Variants in MEGF8 observed in about 807,000 individuals in gnomAD.
MEGF8 encodes multiple EGF like domains 8.
MEGF8 carries 156 observed loss-of-function variants against 302.9 expected under a neutral mutation model. That is an observed-to-expected ratio of 0.52 (90% CI 0.45 to 0.59). The LOEUF is 0.59. Ranked by LOEUF, MEGF8 falls within the 20% of genes least tolerant of loss-of-function variation. The pLI, the probability that MEGF8 is intolerant of heterozygous loss-of-function variation, is 0.00. For missense variants in MEGF8, 3,345 were observed against 3,964.5 expected (o/e 0.84, Z 4.20); for synonymous variants, 1,621 against 1,660.5 (o/e 0.98, Z 0.58).
chr19:42,369,033 A>T lies in MEGF8; in HGVS notation c.6641+31A>T. The T allele has an allele frequency of 6.2e-7, 1 of 1,608,620 alleles. No homozygotes were observed. ...GCCGCAGGCGGCGCTGGGGCCAGGC[A>T]GGCTAGGGTGGGAGAGTCTGTGGGG... On this transcript the variant is annotated intron_variant, in intron 37 of 41. Coordinates refer to ENST00000251268, the MANE Select transcript of MEGF8 (RefSeq NM_001271938.2). The surrounding 1 kb of genome is among the most constrained non-coding windows in gnomAD (Gnocchi z 5.7).
rs963800376 is a variant in MEGF8, at chr19:42,371,487, G to A, written c.7269+5G>A. On this transcript the variant is annotated splice_donor_5th_base_variant and intron_variant, in intron 41 of 41. Transcript: ENST00000251268. ...CGAGACTGCTACAAGTACCAGGTGC[G>A]GCTGCAGAAGCTAGTGGTGGGCCGA... 3.1e-6 allele frequency: 5 copies of A among 1,613,626 alleles called. No homozygotes were observed. The highest frequency in any genetic ancestry group is 2.2e-5 in the East Asian group (1 of 44,884).
At chr19:42,360,715 G>A (rs2039519081) in intron 31 of MEGF8, 60 bp from the exon 32 acceptor site, 4 of 1,545,334 alleles carry the variant, frequency 2.6e-6, no homozygotes, top group South Asian at 1.2e-5. Context: ...GCATCATGGT[G>A]TGGGTCTCTT....
At position 42,376,658 on chromosome 19, in the gene MEGF8, G is replaced by T; in HGVS notation, c.8421G>T (p.Arg2807=). The change falls in exon 42 of 42, where the codon CGG becomes CGT. Residue 2807 remains arginine, a synonymous_variant. Coordinates refer to ENST00000251268, the MANE Select transcript of MEGF8 (RefSeq NM_001271938.2). This position sits in a 1 kb window ranked among gnomAD's most constrained non-coding sequence, Gnocchi z 8.2. ...TGGGGTCAGCCCTCGTCACACTGCG[G>T]CACAGGCTGCACGAGTACTGTGGGG... is the stretch of plus-strand genomic sequence containing the variant. The part of the protein sequence containing the change: ...ACLGSALVTL[R]HRLHEYCGGG... The T allele has an allele frequency of 1.8e-5, 27 of 1,535,742 alleles. No individual in the cohort carries two copies. The highest frequency in any genetic ancestry group is 2.3e-5 in the Non-Finnish European group (26 of 1,142,582).
At chr19:42,343,809 TG>T in intron 9 of MEGF8, 144 bp from the exon 10 acceptor site, 1 of 1,370,374 alleles carries the variant, frequency 7.3e-7, no homozygotes, top group Non-Finnish European at 9.7e-7. Context: ...TCCCTGGGCC[TG>T]GGGGAGGAAT....
rs892346905 is a variant in MEGF8 at position 42,344,685 on chromosome 19, G to A, written c.1949G>A (p.Arg650Gln). The A allele has an allele frequency of 1.3e-5, 20 of 1,588,544 alleles. No individual in the cohort carries two copies. Among genetic ancestry groups the A allele is most frequent in the Middle Eastern group, 1.8e-4 (1 of 5,708 alleles). The change falls in exon 12 of 42, where the codon CGA becomes CAA. Residue 650 changes from arginine to glutamine, a missense_variant. Physicochemically the swap from Arg to Gln is conservative, Grantham distance 43. Transcript: ENST00000251268. This position sits in a 1 kb window ranked among gnomAD's most constrained non-coding sequence, Gnocchi z 4.5. ...CLPRPEQARCRGEQISGTVGW... is the reference protein window; with the variant it reads ...CLPRPEQARCQGEQISGTVGW... ...GTCTTCTCAGAGCAGGCCCGCTGCC[G>A]AGGGGAGCAGATCTCAGGCACTGTG... is the stretch of plus-strand genomic sequence containing the variant.
At position 42,336,299 on chromosome 19, in the gene MEGF8, C is replaced by T. The variant is rs149190709; in HGVS notation, c.1197C>T (p.Pro399=). The T allele has an allele frequency of 9.4e-3, 15,119 of 1,607,412 alleles. 95 individuals are homozygous for T. The highest frequency in any genetic ancestry group is 0.015 in the Middle Eastern group (91 of 6,054). The change falls in exon 6 of 42, where the codon CCC becomes CCT. Residue 399 remains proline, a synonymous_variant. Coordinates refer to ENST00000251268, the MANE Select transcript of MEGF8 (RefSeq NM_001271938.2). The surrounding 1 kb of genome is among the most constrained non-coding windows in gnomAD (Gnocchi z 4.8). Reference sequence around the variant, plus strand: ...GCCACTCCATGGTGTTCCATGCCCCCTCCCGTGCCCTGCTGGTCCATGGTG... The same window carrying T: ...GCCACTCCATGGTGTTCCATGCCCCTTCCCGTGCCCTGCTGGTCCATGGTG... The part of the protein sequence containing the change: ...ATGHSMVFHA[P]SRALLVHGGH...
At chr19:42,343,794 A>G (rs993907838) in intron 9 of MEGF8, among the ~76,000 whole-genome samples, 160 bp from the exon 10 acceptor site, 9 of 152,010 alleles carry the variant, frequency 5.9e-5, no homozygotes, top group African/African-American at 1.9e-4. Context: ...AAGAGGAGCT[A>G]GAGGTCCCTG....
intron 1 of MEGF8, among the ~76,000 whole-genome samples, chr19:42,327,491 A>G (rs888609711): frequency 1.3e-5 from 2 of 152,252 alleles, no homozygotes; most frequent in Non-Finnish European, 2.9e-5. Context: ...TAAAGGACCA[A>G]TAGGAATCTG....
intron 12 of MEGF8, among the ~76,000 whole-genome samples, chr19:42,346,375 C>G (rs1331466488): frequency 6.6e-6 from 1 of 151,720 alleles, no homozygotes; most frequent in Non-Finnish European, 1.5e-5. Context: ...AACCCTGTCT[C>G]TACTAAAACT....
Position 42,348,439 on chromosome 19 carries a change from C to T in MEGF8, c.2265C>T (p.Ala755=). 1 of 1,529,996 alleles carries T rather than the reference C, an allele frequency of 6.5e-7. No homozygotes were observed. The highest frequency in any genetic ancestry group is 8.8e-7 in the Non-Finnish European group (1 of 1,141,306). 94.8% of individuals were successfully genotyped at this position (1,529,996 alleles called of 1,614,324 possible). ...WTRAQRLHVL[A]RMARGPDTEN... is the part of the protein sequence containing the mutation. ...GGGCCCAGCGCCTACACGTCCTGGC[C>T]CGGATGGCCCGTGGCCCTGACACGG... The change falls in exon 13 of 42, where the codon GCC becomes GCT. Residue 755 remains alanine (A), a synonymous_variant. Transcript: ENST00000251268.
chr19:42,367,557 G>A (rs1450121141), intron 35 of MEGF8, among the ~76,000 whole-genome samples: 1 of 152,092 alleles, frequency 6.6e-6, no homozygotes, highest in Non-Finnish European at 1.5e-5. Flanking sequence ...CAAAGTGCTG[G>A]GATTACATTT....
chr19:42,362,430 C>T lies in MEGF8; in HGVS notation c.5891C>T (p.Ala1964Val). 1 of 1,614,016 alleles carries T rather than the reference C, an allele frequency of 6.2e-7. No homozygotes were observed. Among genetic ancestry groups the T allele is most frequent in the Non-Finnish European group, 8.5e-7 (1 of 1,179,892 alleles). ...CKWCTNCPEGACIGRNGSCTS... is the reference protein window; with the variant it reads ...CKWCTNCPEGVCIGRNGSCTS... ...TGGTGTACCAACTGCCCCGAAGGTG[C>T]TTGCATTGGACGCAATGGGTCCTGC... is the stretch of plus-strand genomic sequence containing the variant. The change falls in exon 34 of 42, where the codon GCT becomes GTT. Residue 1964 changes from alanine (A) to valine (V), a missense_variant. Coordinates refer to ENST00000251268, the MANE Select transcript of MEGF8 (RefSeq NM_001271938.2).
At position 42,357,594 on chromosome 19, in the gene MEGF8, GGGACCGGGAGGGGACAGCCCCCGT is replaced by G; in HGVS notation, c.5011+16_5011+39del. The G allele has an allele frequency of 6.3e-7, 1 of 1,580,354 alleles. No homozygotes were observed. The highest frequency in any genetic ancestry group is 1.7e-4 in the Middle Eastern group (1 of 5,948). On this transcript the variant is annotated intron_variant, in intron 28 of 41. Coordinates refer to ENST00000251268, the MANE Select transcript of MEGF8 (RefSeq NM_001271938.2). The surrounding 1 kb of genome is among the most constrained non-coding windows in gnomAD (Gnocchi z 5.2). ...GGGACACCCCCCACAGGTGGGGCTG[GGGACCGGGAGGGGACAGCCCCCGT>G]GGACCTCCCGGGCATCTGGGCTTCC...
intron 32 of MEGF8, among the ~76,000 whole-genome samples, chr19:42,361,317 TC>T (rs2039528949): frequency 6.6e-6 from 1 of 152,110 alleles, no homozygotes; most frequent in Admixed American, 6.5e-5. Context: ...AGAAAGGGCT[TC>T]CCATGCCTGG....
At position 42,354,470 on chromosome 19, in the gene MEGF8, A is replaced by C. The variant is rs1948555727; in HGVS notation, c.4012-118A>C. ...GTTTGACAGTCTCCCCTGGATGTTC[A>C]AACAGCCCATTTCCCAGTCTCAGAT... On this transcript the variant is annotated intron_variant, in intron 22 of 41. Transcript: ENST00000251268. The surrounding 1 kb of genome is among the most constrained non-coding windows in gnomAD (Gnocchi z 4.3). The C allele has an allele frequency of 8.3e-7, 1 of 1,211,424 alleles. No homozygotes were observed. Among genetic ancestry groups the C allele is most frequent in the African/African-American group, 1.5e-5 (1 of 66,100 alleles). 75.0% of individuals were successfully genotyped at this position (1,211,424 alleles called of 1,614,324 possible).
chr19:42,351,761 G>C lies in MEGF8; in HGVS notation c.3101G>C (p.Arg1034Pro). 6.4e-7 allele frequency: 1 copy of C among 1,568,472 alleles called. No individual in the cohort carries two copies. The highest frequency in any genetic ancestry group is 2.4e-5 in the East Asian group (1 of 41,908). ...AATGAGGACAACCCCACACTGGGACGGTGAGCCCGGGCAGGTGGGTGGGCA... is the reference window on the plus strand; with the variant it reads ...AATGAGGACAACCCCACACTGGGACCGTGAGCCCGGGCAGGTGGGTGGGCA... ...CGNEDNPTLG[R>P]CLQGDFSGPL... The change falls in exon 18 of 42, where the codon CGG becomes CCG. Residue 1034 changes from arginine to proline, a missense_variant and splice_region_variant. By Grantham distance (103) the Arg-to-Pro change is moderately radical. Coordinates refer to ENST00000251268, the MANE Select transcript of MEGF8 (RefSeq NM_001271938.2). The surrounding 1 kb of genome is among the most constrained non-coding windows in gnomAD (Gnocchi z 5.6).
intron 38 of MEGF8, 122 bp from the exon 39 acceptor site, chr19:42,370,067 A>T: frequency 8.8e-7 from 1 of 1,136,706 alleles, no homozygotes; most frequent in Non-Finnish European, 1.2e-6. Flanking sequence ...GATTGTCCAA[A>T]CCAGGTACCC....
At chr19:42,363,904 T>C (rs1381662055) in intron 35 of MEGF8, among the ~76,000 whole-genome samples, 1 of 152,194 alleles carries the variant, frequency 6.6e-6, no homozygotes, top group East Asian at 1.9e-4. Flanking sequence ...TGGCCTCAGA[T>C]TGCAGCCTTG....
In MEGF8 at chr19:42,351,497, G is replaced by T; in HGVS notation, c.2924G>T (p.Cys975Phe). The T allele has an allele frequency of 1.2e-6, 2 of 1,606,640 alleles. No individual in the cohort carries two copies. The highest frequency in any genetic ancestry group is 8.5e-7 in the Non-Finnish European group (1 of 1,176,970). The change falls in exon 17 of 42, where the codon TGC (cysteine) becomes TTC (phenylalanine). Residue 975 changes from cysteine (C) to phenylalanine (F), a missense_variant. Coordinates refer to ENST00000251268, the MANE Select transcript of MEGF8 (RefSeq NM_001271938.2). This position sits in a 1 kb window ranked among gnomAD's most constrained non-coding sequence, Gnocchi z 5.6. ...QCAWCQSTHT[C>F]FLFAAYLARY... ...GCCTGGTGCCAGTCCACCCACACCT[G>T]CTTCCTGTTTGCTGCCTACTTGGCC... is the stretch of plus-strand genomic sequence containing the variant.
Sources: allele counts gnomAD v4.1 joint callset (sites outside exome capture counted in the v4.1 genomes callset), GRCh38; gene constraint gnomAD v4.1.1; non-coding constraint Gnocchi (gnomAD v3.1); transcripts MANE v1.5; gene names NCBI Gene and HGNC (gene_info 2026-07-23, HGNC 2026-07-21).